C1QTNF1: variants seen among roughly 807,000 people sequenced by gnomAD.
C1QTNF1 encodes the protein C1q and TNF related 1.
C1QTNF1 carries 22 observed loss-of-function variants against 27.8 expected under a neutral mutation model. The observed-to-expected ratio is 0.79, with a 90% CI of 0.56 to 1.13. The LOEUF (loss-of-function observed/expected upper bound fraction) is 1.13. Among genes scored for constraint, C1QTNF1 ranks in the 50% most tolerant of loss-of-function variants. The probability of loss-of-function intolerance (pLI) is 0.00; values close to 1 mark genes in which losing one functional copy is unlikely to be tolerated. For synonymous variants in C1QTNF1, 166 were observed against 154.3 expected (o/e 1.08, Z -0.56); for missense variants, 373 against 380.2 (o/e 0.98, Z 0.16).
At chr17:79,042,283 G>A (rs959543715) in intron 1 of C1QTNF1, among the ~76,000 whole-genome samples, 1 of 152,262 alleles carries the variant, frequency 6.6e-6, no homozygotes, top group Non-Finnish European at 1.5e-5. Flanking sequence ...GGAGCAAGCC[G>A]CTCACAGGGT....
chr17:79,040,773 G>A (rs2145915955), intron 1 of C1QTNF1, among the ~76,000 whole-genome samples: 1 of 150,298 alleles, frequency 6.7e-6, no homozygotes, highest in Non-Finnish European at 1.5e-5. Flanking sequence ...GTGTGGTAGT[G>A]CATACCTGCA....
rs1164649518 is a variant in C1QTNF1 at position 79,046,459 on chromosome 17, G to T, written c.156-96G>T. 3.9e-6 allele frequency: 6 copies of T among 1,520,444 alleles called. No individual in the cohort carries two copies. In the South Asian group the frequency reaches 7.2e-5, roughly 18 times the overall value. 94.2% of individuals were successfully genotyped at this position (1,520,444 alleles called of 1,614,324 possible). On this transcript the variant is annotated intron_variant, in intron 2 of 3. Coordinates refer to ENST00000579760, the MANE Select transcript of C1QTNF1 (RefSeq NM_030968.5). The surrounding 1 kb of genome is among the most constrained non-coding windows in gnomAD (Gnocchi z 4.8). The stretch of plus-strand genomic sequence containing the variant: ...TGGGTCCAGGTGAGAGAGTGAGAAG[G>T]CAGGTCAGGCATGCCAGAACCACTG...
intron 1 of C1QTNF1, among the ~76,000 whole-genome samples, chr17:79,035,150 T>C (rs1392924327): frequency 6.6e-6 from 1 of 152,168 alleles, no homozygotes; most frequent in Non-Finnish European, 1.5e-5. Flanking sequence ...TATGAGCAGA[T>C]GTCACCTGTC....
At chr17:79,040,675 C>T (rs1005049666) in intron 1 of C1QTNF1, among the ~76,000 whole-genome samples, 2 of 140,938 alleles carry the variant, frequency 1.4e-5, no homozygotes, top group Non-Finnish European at 3.0e-5. Flanking sequence ...GGGCAGATCA[C>T]TTGAGCCCGG....
rs1299509846 is a variant in C1QTNF1 at position 79,030,481 on chromosome 17, TTCTTTTTC to T, written c.-15+5989_-15+5996del. ...TTCTTTTCTTTCTTTCTTTCTTTCT[TTCTTTTTC>T]TTTCTTTCTTTCTTTCTTTCTTTCT... On this transcript the variant is annotated intron_variant, in intron 1 of 3. Transcript: ENST00000579760. 9.3e-3 allele frequency among the ~76,000 whole-genome samples: 1,028 copies of T among 110,740 alleles called. 11 individuals carry two copies. The highest frequency in any genetic ancestry group is 0.031 in the African/African-American group (930 of 29,688). The allele number at this position is 110,740 out of a possible 152,430, so 72.6% of individuals were successfully genotyped here. A position where few individuals can be genotyped will look rare whatever the true frequency, so the allele number is the denominator to read the frequency against.
intron 1 of C1QTNF1, among the ~76,000 whole-genome samples, chr17:79,031,650 G>T (rs192729079): frequency 2.0e-4 from 30 of 151,976 alleles, no homozygotes; most frequent in African/African-American, 7.2e-4. Context: ...CACCATGTCG[G>T]CCAGGCTGGT....
chr17:79,042,842 T>C (rs1195097248), intron 1 of C1QTNF1, among the ~76,000 whole-genome samples: 1 of 152,098 alleles, frequency 6.6e-6, no homozygotes, highest in African/African-American at 2.4e-5. Context: ...CATGTGAAGG[T>C]GTGTGTACAT....
chr17:79,048,078 C>A lies in C1QTNF1; in HGVS notation c.836C>A (p.Thr279Asn). Residue 279 changes from threonine (T) to asparagine (N), a missense_variant, in exon 4 of 4, where the codon ACC (threonine) becomes AAC (asparagine). Thr to Asn is a moderately conservative substitution (Grantham distance 65, BLOSUM62 0). Coordinates refer to ENST00000579760, the MANE Select transcript of C1QTNF1 (RefSeq NM_030968.5). ...AGTGGCTACCTGGTCAAGCACGCCACCGAGCCCTAGCTGGCCGGCCACCTC... is the reference window on the plus strand; with the variant it reads ...AGTGGCTACCTGGTCAAGCACGCCAACGAGCCCTAGCTGGCCGGCCACCTC... ...TFSGYLVKHATEP is the reference protein window; with the variant it reads ...TFSGYLVKHANEP 2 of 1,560,394 alleles carry A rather than the reference C, an allele frequency of 1.3e-6. No individual in the cohort carries two copies. Among genetic ancestry groups the A allele is most frequent in the Admixed American group, 1.8e-5 (1 of 55,644 alleles).
chr17:79,026,320 A>G (rs1337299020), intron 1 of C1QTNF1, among the ~76,000 whole-genome samples: 2 of 152,042 alleles, frequency 1.3e-5, no homozygotes, highest in African/African-American at 4.8e-5. Flanking sequence ...ACGCCTGGCT[A>G]ATTTTGTATT....
rs765566992 is a variant in C1QTNF1, at chr17:79,047,691, T to C, written c.449T>C (p.Val150Ala). The C allele has an allele frequency of 6.2e-7, 1 of 1,614,012 alleles. No individual in the cohort carries two copies. The highest frequency in any genetic ancestry group is 1.1e-5 in the South Asian group (1 of 91,070). Residue 150 changes from valine (V) to alanine (A), a missense_variant, in exon 4 of 4, where the codon GTG (valine) becomes GCG (alanine). By Grantham distance (64) the Val-to-Ala change is moderately conservative. Coordinates refer to ENST00000579760, the MANE Select transcript of C1QTNF1 (RefSeq NM_030968.5). The stretch of plus-strand genomic sequence containing the variant: ...AAGAGCCACTACGCCGCCTTTTCGG[T>C]GGGCCGGAAGAAGCCCATGCACAGC... The part of the protein sequence containing the change: ...RCKSHYAAFS[V>A]GRKKPMHSNH...
chr17:79,046,488 G>T lies in C1QTNF1; in HGVS notation c.156-67G>T, dbSNP rs1403978131. Reference sequence around the variant, plus strand: ...GTCAGGCATGCCAGAACCACTGGCAGCAGGAGAGAGCAGCGTTTCCAGGCC... The same window carrying T: ...GTCAGGCATGCCAGAACCACTGGCATCAGGAGAGAGCAGCGTTTCCAGGCC... On this transcript the variant is annotated intron_variant, in intron 2 of 3. Coordinates refer to ENST00000579760, the MANE Select transcript of C1QTNF1 (RefSeq NM_030968.5). This position sits in a 1 kb window ranked among gnomAD's most constrained non-coding sequence, Gnocchi z 4.8. 1 of 1,600,574 alleles carries T rather than the reference G, an allele frequency of 6.2e-7. No homozygotes were observed. The highest frequency in any genetic ancestry group is 8.5e-7 in the Non-Finnish European group (1 of 1,170,976).
chr17:79,031,627 A>G (rs760395381), intron 1 of C1QTNF1, among the ~76,000 whole-genome samples: 2 of 151,888 alleles, frequency 1.3e-5, no homozygotes, highest in Non-Finnish European at 2.9e-5. Context: ...TATTTTTAGT[A>G]GAGACAAAGT....
chr17:79,040,730 CAAAAAAAAA>C (rs60302649), intron 1 of C1QTNF1, among the ~76,000 whole-genome samples: 2 of 56,940 alleles, frequency 3.5e-5, no homozygotes, highest in African/African-American at 1.1e-4. Flanking sequence ...TTTGTCTCTA[CAAAAAAAAA>C]AAAAAAAAAA....
At chr17:79,043,743 ACGTGAGTGCGT>A (rs750063950) in intron 1 of C1QTNF1, 41 of 666,738 alleles carry the variant, frequency 6.1e-5, no homozygotes, top group East Asian at 5.6e-4. Flanking sequence ...GCGTGTGTGC[ACGTGAGTGCGT>A]CGTGAGTGCG....
intron 1 of C1QTNF1, chr17:79,043,572 A>G (rs1031988960): frequency 1.8e-5 from 8 of 435,766 alleles, no homozygotes; most frequent in African/African-American, 4.1e-5. Flanking sequence ...TTGTGTGTAC[A>G]TGTGTGTGGA....
At chr17:79,033,336 GC>G (rs1329081061) in intron 1 of C1QTNF1, among the ~76,000 whole-genome samples, 1 of 152,106 alleles carries the variant, frequency 6.6e-6, no homozygotes, top group Admixed American at 6.5e-5. Flanking sequence ...ACATTTGCAA[GC>G]CCAGGTCTCA....
At chr17:79,042,116 G>A (rs935510360) in intron 1 of C1QTNF1, among the ~76,000 whole-genome samples, 2 of 152,234 alleles carry the variant, frequency 1.3e-5, no homozygotes, top group African/African-American at 2.4e-5. Flanking sequence ...GTTGAATGAG[G>A]TGTTCCCACG....
At position 79,048,010 on chromosome 17, in the gene C1QTNF1, G is replaced by C; in HGVS notation, c.768G>C (p.Glu256Asp). Residue 256 changes from glutamate (E) to aspartate (D), a missense_variant, in exon 4 of 4, where the codon GAG becomes GAC. Transcript: ENST00000579760. ...TACGCCTCTACAAGGGCGAACGTGA[G>C]AACGCCATCTTCAGCGAGGAGCTGG... ...VWVRLYKGER[E>D]NAIFSEELDT... is the part of the protein sequence containing the mutation. The C allele has an allele frequency of 6.2e-7, 1 of 1,609,942 alleles. No individual in the cohort carries two copies. The highest frequency in any genetic ancestry group is 8.5e-7 in the Non-Finnish European group (1 of 1,178,782).
At chr17:79,038,859 G>A (rs975444293) in intron 1 of C1QTNF1, among the ~76,000 whole-genome samples, 7 of 152,192 alleles carry the variant, frequency 4.6e-5, no homozygotes, top group Non-Finnish European at 8.8e-5. Context: ...ATGTTATGAC[G>A]CTGGCTTTGC....
Sources: gnomAD v4.1 joint callset for allele counts (sites outside exome capture counted in the v4.1 genomes callset) on GRCh38, gnomAD v4.1.1 for gene constraint, Gnocchi (gnomAD v3.1) non-coding constraint, MANE v1.5 for transcripts, NCBI Gene and HGNC (gene_info 2026-07-23, HGNC 2026-07-21) for gene names.